The following CADM2 variants were observed in gnomAD, a reference collection of about 807,000 sequenced individuals.
CADM2 encodes cell adhesion molecule 2.
Under a neutral mutation model 49.8 loss-of-function variants are expected in CADM2, and 12 were observed. That is an observed-to-expected ratio of 0.24 (90% CI 0.15 to 0.39). The LOEUF (loss-of-function observed/expected upper bound fraction) is 0.39. CADM2 is among the 10% of genes least tolerant of loss of function. CADM2 has a pLI of 1.00. For synonymous variants in CADM2, 214 were observed against 175.4 expected, an observed-to-expected ratio of 1.22 and a Z score of -1.74; for missense variants, 378 against 492.3, an observed-to-expected ratio of 0.77 and a Z score of 2.20.
chr3:84,996,739 C>A (rs1479198625), intron 1 of CADM2, among the ~76,000 whole-genome samples: 1 of 152,006 alleles, frequency 6.6e-6, no homozygotes, highest in East Asian at 1.9e-4. Flanking sequence ...ATATCATTTT[C>A]TTCTAAGTTA....
intron 8 of CADM2, among the ~76,000 whole-genome samples, chr3:86,031,264 G>A (rs1005282024): frequency 6.6e-6 from 1 of 151,698 alleles, no homozygotes; most frequent in Non-Finnish European, 1.5e-5. Context: ...TTGATAACCA[G>A]GGTCATATCT....
chr3:85,076,690 G>C (rs184036500), intron 1 of CADM2, among the ~76,000 whole-genome samples: 1 of 151,954 alleles, frequency 6.6e-6, no homozygotes, highest in African/African-American at 2.4e-5. Context: ...GATAATTTTC[G>C]GCTGGGCATG....
At chr3:85,108,133 T>C (rs948367941) in intron 1 of CADM2, among the ~76,000 whole-genome samples, 3 of 151,984 alleles carry the variant, frequency 2.0e-5, no homozygotes, top group Admixed American at 2.0e-4. Flanking sequence ...ATGTTTCTAG[T>C]AGCATTATTT....
intron 2 of CADM2, among the ~76,000 whole-genome samples, chr3:85,799,028 T>C (rs574528190): frequency 1.3e-5 from 2 of 152,142 alleles, no homozygotes; most frequent in East Asian, 3.9e-4. Flanking sequence ...ATTCTCTTTG[T>C]AGCAATTGTG....
intron 3 of CADM2, among the ~76,000 whole-genome samples, chr3:85,877,869 T>C (rs978975678): frequency 1.5e-4 from 23 of 151,918 alleles, no homozygotes; most frequent in Middle Eastern, 3.2e-3. Flanking sequence ...TAGATAGCTA[T>C]AGCTCAGGGT....
At chr3:85,609,703 G>A (rs2063627375) in intron 1 of CADM2, among the ~76,000 whole-genome samples, 2 of 151,998 alleles carry the variant, frequency 1.3e-5, no homozygotes, top group Non-Finnish European at 2.9e-5. Context: ...TTATAATCAG[G>A]TATACTTGAA....
chr3:84,991,002 A>G (rs1418796801), intron 1 of CADM2, among the ~76,000 whole-genome samples: 2 of 152,120 alleles, frequency 1.3e-5, no homozygotes, highest in Admixed American at 1.3e-4. Flanking sequence ...GTAAATGCCA[A>G]AAGAACCCTA....
At chr3:85,330,600 T>G (rs1370441740) in intron 1 of CADM2, among the ~76,000 whole-genome samples, 1 of 152,074 alleles carries the variant, frequency 6.6e-6, no homozygotes, top group Non-Finnish European at 1.5e-5. Context: ...TTTATCTGAA[T>G]TTTTCATAGG....
intron 1 of CADM2, among the ~76,000 whole-genome samples, chr3:85,673,529 A>G (rs1485685409): frequency 6.6e-6 from 1 of 151,728 alleles, no homozygotes; most frequent in Non-Finnish European, 1.5e-5. Context: ...AGCCAAAATA[A>G]TCTTTTATTT....
chr3:85,293,297 T>G (rs1432104167), intron 1 of CADM2, among the ~76,000 whole-genome samples: 22 of 151,710 alleles, frequency 1.5e-4, no homozygotes, highest in African/African-American at 5.3e-4. Flanking sequence ...CAATAATCAA[T>G]AGCTTACCCA....
chr3:85,388,066 G>A (rs2034332402), intron 1 of CADM2, among the ~76,000 whole-genome samples: 1 of 152,130 alleles, frequency 6.6e-6, no homozygotes, highest in African/African-American at 2.4e-5. Context: ...GGCTCTCCAG[G>A]GAACCAGGCT....
Position 85,449,446 on chromosome 3 carries a change from G to A in CADM2, c.62-277076G>A, listed in dbSNP as rs111500223. 3.2e-3 allele frequency among the ~76,000 whole-genome samples: 486 copies of A among 152,080 alleles called. 2 individuals carry two copies. The highest frequency in any genetic ancestry group is 0.01 in the African/African-American group (428 of 41,520). The stretch of plus-strand genomic sequence containing the variant: ...ATACAGTTTGGGGAATAATTAATTT[G>A]AATGAGATTTTCTTGAGTGTTAAAT... On this transcript the variant is annotated intron_variant, in intron 1 of 9. Coordinates refer to ENST00000383699, the MANE Select transcript of CADM2 (RefSeq NM_001167675.2).
intron 8 of CADM2, among the ~76,000 whole-genome samples, chr3:85,973,442 T>A (rs1390441729): frequency 3.3e-5 from 5 of 151,702 alleles, no homozygotes; most frequent in Admixed American, 2.0e-4. Context: ...CCTGATGAAG[T>A]GCAAAAGTTT....
At chr3:84,978,176 C>T (rs2031949284) in intron 1 of CADM2, among the ~76,000 whole-genome samples, 1 of 152,028 alleles carries the variant, frequency 6.6e-6, no homozygotes, top group African/African-American at 2.4e-5. Context: ...GTGTCACTAT[C>T]AGGAATTATG....
At chr3:85,693,504 C>T (rs770178459) in intron 1 of CADM2, among the ~76,000 whole-genome samples, 2 of 141,440 alleles carry the variant, frequency 1.4e-5, no homozygotes, top group African/African-American at 2.6e-5. Flanking sequence ...GGCGTGAACC[C>T]GGGAGGCGGA....
At chr3:85,643,431 A>C (rs1342762764) in intron 1 of CADM2, among the ~76,000 whole-genome samples, 1 of 152,212 alleles carries the variant, frequency 6.6e-6, no homozygotes, top group African/African-American at 2.4e-5. Context: ...TCTTCATTTG[A>C]AAATATGAGC....
chr3:85,296,791 T>G lies in CADM2; in HGVS notation c.61+337123T>G, dbSNP rs545381021. On this transcript the variant is annotated intron_variant, in intron 1 of 9. Transcript: ENST00000383699. ...TACTCCTATGCCTTGGGATTCCACA[T>G]GATTTCTTCCAAACAGATAGAGGTG... Among the ~76,000 whole-genome samples, 3 of 152,230 alleles carry G rather than the reference T, an allele frequency of 2.0e-5. No individual in the cohort carries two copies. In the East Asian group the frequency reaches 5.8e-4, roughly 29 times the overall value.
chr3:85,791,530 GAGAGAGAGAGAGAA>G (rs1356764486), intron 2 of CADM2, among the ~76,000 whole-genome samples: 1 of 145,464 alleles, frequency 6.9e-6, no homozygotes, highest in African/African-American at 2.7e-5. Flanking sequence ...GGGAGAGAGA[GAGAGAGAGAGAGAA>G]AGAGAGAGAG....
At chr3:85,657,777 C>CACAGATATATATATATATATAT (rs1559574754) in intron 1 of CADM2, among the ~76,000 whole-genome samples, 9 of 111,226 alleles carry the variant, frequency 8.1e-5, no homozygotes, top group African/African-American at 2.7e-4. Flanking sequence ...TATATATATA[C>CACAGATATATATATATATATAT]ATATACATGT....
Sources: allele counts gnomAD v4.1 joint callset (sites outside exome capture counted in the v4.1 genomes callset), GRCh38; gene constraint gnomAD v4.1.1; transcripts MANE v1.5; gene names NCBI Gene and HGNC (gene_info 2026-07-23, HGNC 2026-07-21).